The following STOX2 variants were observed in gnomAD, a reference collection of about 807,000 sequenced individuals.
The protein encoded by STOX2 is storkhead box 2, also known as storkhead-box protein 2.
STOX2 carries 28 observed loss-of-function variants against 60.9 expected under a neutral mutation model. The observed-to-expected ratio is 0.46, with a 90% CI of 0.34 to 0.63. STOX2 has a LOEUF of 0.63. Ranked by LOEUF, STOX2 falls within the 30% of genes least tolerant of loss-of-function variation. The pLI, the probability that STOX2 is intolerant of heterozygous loss-of-function variation, is 0.01. For synonymous variants in STOX2, 472 were observed against 463.9 expected, an observed-to-expected ratio of 1.02 and a Z score of -0.22; for missense variants, 1,024 against 1,187.7, an observed-to-expected ratio of 0.86 and a Z score of 2.03.
chr4:183,818,667 G>A (rs1739215848), intron 1 of STOX2, among the ~76,000 whole-genome samples: 1 of 151,832 alleles, frequency 6.6e-6, no homozygotes, highest in Admixed American at 6.6e-5. Context: ...TCCCAGAAGG[G>A]GCGGCCGGGC....
At chr4:183,949,924 A>G (rs992611191) in intron 1 of STOX2, among the ~76,000 whole-genome samples, 1 of 152,034 alleles carries the variant, frequency 6.6e-6, no homozygotes, top group Non-Finnish European at 1.5e-5. Flanking sequence ...TAGCAATGTC[A>G]CCTCTTCCCC....
chr4:183,996,233 T>G (rs1210717106), intron 1 of STOX2, among the ~76,000 whole-genome samples: 1 of 152,220 alleles, frequency 6.6e-6, no homozygotes, highest in Non-Finnish European at 1.5e-5. Context: ...AAAATAAAGC[T>G]GAACTAAAAT....
rs747766609 is a variant in STOX2, at chr4:183,825,563, G to T, written c.364+27508G>T. Among the ~76,000 whole-genome samples, 2 of 152,170 alleles carry T rather than the reference G, an allele frequency of 1.3e-5. No homozygotes were observed. Among genetic ancestry groups the T allele is most frequent in the Non-Finnish European group, 2.9e-5 (2 of 68,028 alleles). ...ACCCTCGCTGTAGGTGTGTGTGTCC[G>T]TGCCTCTGTCCTGCCAACGTGGGTG... On this transcript the variant is annotated intron_variant, in intron 1 of 2. Coordinates refer to the STOX2 transcript ENST00000513034. This position sits in a 1 kb window ranked among gnomAD's most constrained non-coding sequence, Gnocchi z 4.1.
At chr4:183,969,868 C>T (rs368259516) in intron 1 of STOX2, among the ~76,000 whole-genome samples, 1 of 152,180 alleles carries the variant, frequency 6.6e-6, no homozygotes, top group African/African-American at 2.4e-5. Flanking sequence ...GAGATCCTCT[C>T]ACCTCAATCT....
In STOX2 at chr4:183,836,035, AT is replaced by A. The variant is rs548114655; in HGVS notation, c.364+37991del. ...ATCCTCACCAACACTTGTTACTGCC[AT>A]TTTTTTTTTTATCTGAGCCATCCTA... is the stretch of plus-strand genomic sequence containing the variant. On this transcript the variant is annotated intron_variant, in intron 1 of 2. Transcript: ENST00000513034. The surrounding 1 kb of genome is among the most constrained non-coding windows in gnomAD (Gnocchi z 4.1). Among the ~76,000 whole-genome samples, 1,268 of 146,480 alleles carry A rather than the reference AT, an allele frequency of 8.7e-3. 14 individuals are homozygous for A. The highest frequency in any genetic ancestry group is 0.028 in the African/African-American group (1,108 of 40,064).
upstream of STOX2, among the ~76,000 whole-genome samples, chr4:183,903,251 A>C (rs1428310223): frequency 6.6e-6 from 1 of 151,928 alleles, no homozygotes; most frequent in Non-Finnish European, 1.5e-5. Context: ...CCTCCCTCTT[A>C]CTGTGCTCCA....
chr4:183,913,990 A>G (rs1212773777), intron 1 of STOX2, among the ~76,000 whole-genome samples: 1 of 152,238 alleles, frequency 6.6e-6, no homozygotes, highest in Non-Finnish European at 1.5e-5. Flanking sequence ...TCTCTCGATA[A>G]TTATATATTT....
intron 2 of STOX2, among the ~76,000 whole-genome samples, chr4:184,003,832 A>G (rs1733697060): frequency 6.6e-6 from 1 of 152,184 alleles, no homozygotes. Flanking sequence ...ATGTTCAGCA[A>G]TAGCTCCAGA....
At chr4:183,936,649 T>C (rs1742600585) in intron 1 of STOX2, among the ~76,000 whole-genome samples, 1 of 152,214 alleles carries the variant, frequency 6.6e-6, no homozygotes, top group Non-Finnish European at 1.5e-5. Flanking sequence ...TTTTAAAAAC[T>C]AAGAACTTAA....
At chr4:183,968,749 G>A (rs1237293318) in intron 1 of STOX2, among the ~76,000 whole-genome samples, 1 of 151,422 alleles carries the variant, frequency 6.6e-6, no homozygotes, top group Non-Finnish European at 1.5e-5. Context: ...AGGTTGGGTT[G>A]CGGCAGGGGG....
At chr4:183,840,353 A>G (rs528999908) in intron 1 of STOX2, among the ~76,000 whole-genome samples, 16 of 152,250 alleles carry the variant, frequency 1.1e-4, no homozygotes, top group African/African-American at 3.6e-4. Context: ...GTAACAGTCA[A>G]TTCCTGTTCT....
At chr4:183,967,644 G>C (rs1743618232) in intron 1 of STOX2, among the ~76,000 whole-genome samples, 1 of 152,130 alleles carries the variant, frequency 6.6e-6, no homozygotes, top group Non-Finnish European at 1.5e-5. Flanking sequence ...CTACGCTCTA[G>C]TTGTTTTGTT....
chr4:184,002,299 T>C (rs1225998961), intron 2 of STOX2, among the ~76,000 whole-genome samples: 1 of 152,266 alleles, frequency 6.6e-6, no homozygotes, highest in South Asian at 2.1e-4. Flanking sequence ...CAACTTGGTG[T>C]GGACTCAGCC....
intron 1 of STOX2, among the ~76,000 whole-genome samples, chr4:183,970,181 T>TGTGTGGGGGG (rs779582388): frequency 7.3e-6 from 1 of 136,402 alleles, no homozygotes; most frequent in African/African-American, 2.8e-5. Flanking sequence ...TGTGTGTGTG[T>TGTGTGGGGGG]GGGGTTCCAG....
At chr4:183,891,760 A>T (rs1224380384) in intron 1 of STOX2, among the ~76,000 whole-genome samples, 1 of 152,138 alleles carries the variant, frequency 6.6e-6, no homozygotes, top group Non-Finnish European at 1.5e-5. Context: ...CTATGGAAGA[A>T]CAGAAGTATT....
intron 1 of STOX2, among the ~76,000 whole-genome samples, chr4:183,895,219 T>C (rs1741314435): frequency 6.6e-6 from 1 of 152,226 alleles, no homozygotes; most frequent in Non-Finnish European, 1.5e-5. Context: ...GCCTTATGCA[T>C]AAGGCTCAAT....
intron 1 of STOX2, among the ~76,000 whole-genome samples, chr4:183,816,555 A>G (rs963056683): frequency 1.3e-5 from 2 of 152,178 alleles, no homozygotes; most frequent in Non-Finnish European, 2.9e-5. Context: ...TGTATTCACT[A>G]TTTGGGTGAT....
chr4:183,852,731 G>A (rs967980852), intron 1 of STOX2, among the ~76,000 whole-genome samples: 1 of 152,176 alleles, frequency 6.6e-6, no homozygotes, highest in African/African-American at 2.4e-5. Context: ...TGTTAATAAG[G>A]AAGAGGAAAT....
At chr4:183,932,488 A>C (rs986958871) in intron 1 of STOX2, among the ~76,000 whole-genome samples, 6 of 138,772 alleles carry the variant, frequency 4.3e-5, no homozygotes, top group Admixed American at 1.4e-4. Context: ...CATACAGTAT[A>C]TGTATGTATC....
Sources: gnomAD v4.1 joint callset for allele counts (sites outside exome capture counted in the v4.1 genomes callset) on GRCh38, gnomAD v4.1.1 for gene constraint, Gnocchi (gnomAD v3.1) non-coding constraint, MANE v1.5 for transcripts, NCBI Gene and HGNC (gene_info 2026-07-23, HGNC 2026-07-21) for gene names.